NHS: variants seen among roughly 807,000 people sequenced by gnomAD.
NHS encodes NHS actin remodeling regulator.
A neutral mutation model predicts 72.5 loss-of-function variants in NHS; 5 were observed. The ratio of observed to expected loss-of-function variants is 0.07; its 90% CI spans 0.04 to 0.14. NHS has a LOEUF of 0.14. Ranked by LOEUF, NHS falls within the 10% of genes least tolerant of loss-of-function variation. NHS has a pLI of 1.00. For synonymous variants in NHS, 464 were observed against 547.7 expected, an observed-to-expected ratio of 0.85 and a Z score of 2.13; for missense variants, 1,072 against 1,355.7, an observed-to-expected ratio of 0.79 and a Z score of 3.29.
intron 1 of NHS, among the ~76,000 whole-genome samples, chrX:17,467,258 A>T (rs1205288286): frequency 8.9e-6 from 1 of 112,620 alleles, no homozygotes; most frequent in African/African-American, 3.2e-5. Context: ...AAAAAAAGAA[A>T]AAAAGACAGA....
At chrX:17,709,494 G>A (rs1384799770) in intron 3 of NHS, among the ~76,000 whole-genome samples, 1 of 109,871 alleles carries the variant, frequency 9.1e-6, no homozygotes, top group Non-Finnish European at 1.9e-5. Context: ...GGTTCCATGT[G>A]CTTTATCAGT....
chrX:17,655,679 T>C (rs2065950651), intron 1 of NHS, among the ~76,000 whole-genome samples: 1 of 112,876 alleles, frequency 8.9e-6, no homozygotes, highest in Non-Finnish European at 1.9e-5. Flanking sequence ...TTCACTGAGC[T>C]GTAAATCGAA....
chrX:17,636,619 C>T (rs938817378), intron 1 of NHS, among the ~76,000 whole-genome samples: 1 of 112,215 alleles, frequency 8.9e-6, no homozygotes, highest in Non-Finnish European at 1.9e-5. Flanking sequence ...GGCCAAGTTT[C>T]AAGGGTCTCC....
At chrX:17,713,631 G>C (rs1362970635) in intron 3 of NHS, among the ~76,000 whole-genome samples, 1 of 111,690 alleles carries the variant, frequency 9.0e-6, no homozygotes, top group East Asian at 2.8e-4. Flanking sequence ...GCCCCCATCA[G>C]CATATAAAAT....
At chrX:17,444,974 A>G (rs1435332146) in intron 1 of NHS, among the ~76,000 whole-genome samples, 1 of 108,793 alleles carries the variant, frequency 9.2e-6, no homozygotes, top group Non-Finnish European at 1.9e-5. Context: ...CCCCCAGTTT[A>G]TACTATTTTT....
At chrX:17,527,769 A>C (rs780871847) in intron 1 of NHS, among the ~76,000 whole-genome samples, 1 of 111,420 alleles carries the variant, frequency 9.0e-6, no homozygotes, top group South Asian at 3.8e-4. Context: ...TGAATTCTTA[A>C]AGTAAGTTTG....
chrX:17,596,083 A>C (rs1413916172), intron 1 of NHS, among the ~76,000 whole-genome samples: 1 of 111,719 alleles, frequency 9.0e-6, no homozygotes, highest in East Asian at 2.8e-4. Context: ...ACCACTATTT[A>C]TTGAAATCTG....
At chrX:17,601,757 G>C (rs140197666) in intron 1 of NHS, among the ~76,000 whole-genome samples, 62 of 111,723 alleles carry the variant, frequency 5.5e-4, no homozygotes, top group African/African-American at 1.8e-3. Flanking sequence ...TTTCAGCCTG[G>C]GAGGAATATA....
chrX:17,583,425 A>G (rs185358556), intron 1 of NHS, among the ~76,000 whole-genome samples: 2 of 112,348 alleles, frequency 1.8e-5, no homozygotes, highest in African/African-American at 6.5e-5. Context: ...TGTTTACACA[A>G]ATCAATCCTC....
At chrX:17,712,243 T>TTGTG (rs777863207) in intron 3 of NHS, among the ~76,000 whole-genome samples, 22 of 68,321 alleles carry the variant, frequency 3.2e-4, no homozygotes, top group African/African-American at 1.4e-3. Flanking sequence ...TATTGGCCTT[T>TTGTG]TGTGTGTGTG....
At chrX:17,692,547 C>A (rs1017246439) in intron 3 of NHS, 79 bp downstream of exon 3, 99 of 1,151,352 alleles carry the variant, frequency 8.6e-5, no homozygotes, top group Non-Finnish European at 1.1e-4. Flanking sequence ...TTTCCTGCCT[C>A]CCAGTGAGAG....
Position 17,479,245 on chromosome X carries a change from A to G in NHS, c.565+102923A>G, listed in dbSNP as rs758518400. Among the ~76,000 whole-genome samples the G allele has an allele frequency of 1.4e-3, 156 of 112,487 alleles. 1 individual carries two copies. Among genetic ancestry groups the G allele is most frequent in the African/African-American group, 4.7e-3 (146 of 30,951 alleles). ...CAAAGGACATGAATTCATCCTTTTT[A>G]TGGCTACATAGTATTCCATGGTGTA... On this transcript the variant is annotated intron_variant, in intron 1 of 8. Coordinates refer to ENST00000676302, the MANE Select transcript of NHS (RefSeq NM_001291867.2).
At chrX:17,678,297 A>T (rs1028548727) in intron 1 of NHS, among the ~76,000 whole-genome samples, 3 of 106,592 alleles carry the variant, frequency 2.8e-5, no homozygotes, top group African/African-American at 7.0e-5. Context: ...TGTGTGTGAG[A>T]GAGAGAGAGA....
At chrX:17,690,839 A>T (rs980230015) in intron 2 of NHS, among the ~76,000 whole-genome samples, 1 of 112,321 alleles carries the variant, frequency 8.9e-6, no homozygotes, top group African/African-American at 3.2e-5. Flanking sequence ...TAATGCTCAG[A>T]GCCAGTAATG....
chrX:17,384,903 T>C (rs1312948370), intron 1 of NHS, among the ~76,000 whole-genome samples: 2 of 112,327 alleles, frequency 1.8e-5, no homozygotes, highest in African/African-American at 6.5e-5. Flanking sequence ...TAAAAAATCA[T>C]AGGAGGAGTA....
intron 1 of NHS, among the ~76,000 whole-genome samples, chrX:17,485,661 G>A (rs913570452): frequency 9.0e-6 from 1 of 111,513 alleles, no homozygotes; most frequent in Admixed American, 9.6e-5. Context: ...GTTCCGGATG[G>A]ACTGCTTTTC....
intron 3 of NHS, among the ~76,000 whole-genome samples, chrX:17,698,441 C>A (rs1314978559): frequency 9.0e-6 from 1 of 111,671 alleles, no homozygotes; most frequent in Non-Finnish European, 1.9e-5. Context: ...CATGGGAGAA[C>A]CAGAAGAAGT....
At chrX:17,541,892 A>ACT (rs778994140) in intron 1 of NHS, among the ~76,000 whole-genome samples, 5 of 109,027 alleles carry the variant, frequency 4.6e-5, no homozygotes, top group African/African-American at 1.7e-4. Context: ...GTAAACTCAC[A>ACT]CTCTAGAGTT....
intron 1 of NHS, among the ~76,000 whole-genome samples, chrX:17,542,433 T>G (rs1386043803): frequency 8.8e-6 from 1 of 113,428 alleles, no homozygotes; most frequent in Admixed American, 9.2e-5. Flanking sequence ...GTGCCAAGCA[T>G]GCCACCATGG....
Sources: allele counts gnomAD v4.1 joint callset (sites outside exome capture counted in the v4.1 genomes callset), GRCh38; gene constraint gnomAD v4.1.1; transcripts MANE v1.5; gene names NCBI Gene and HGNC (gene_info 2026-07-23, HGNC 2026-07-21).